Variants in CAMK1D observed in about 807,000 individuals in gnomAD.
The protein encoded by CAMK1D is calcium/calmodulin dependent protein kinase ID, also known as calcium/calmodulin-dependent protein kinase type 1D.
CAMK1D carries 9 observed loss-of-function variants against 47.7 expected under a neutral mutation model. That is an observed-to-expected ratio of 0.19 (90% CI 0.11 to 0.33). CAMK1D has a LOEUF of 0.33. Among genes scored for constraint, CAMK1D ranks in the 10% least tolerant of loss-of-function variants. CAMK1D has a pLI of 1.00. For missense variants in CAMK1D, 291 were observed against 488.7 expected, an observed-to-expected ratio of 0.60 and a Z score of 3.81; for synonymous variants, 184 against 184.9, an observed-to-expected ratio of 0.99 and a Z score of 0.04.
chr10:12,800,459 C>A (rs1000793435), intron 6 of CAMK1D, among the ~76,000 whole-genome samples: 1 of 152,116 alleles, frequency 6.6e-6, no homozygotes, highest in South Asian at 2.1e-4. Context: ...AAATACTGAC[C>A]GAGTGCCAAG....
intron 1 of CAMK1D, among the ~76,000 whole-genome samples, chr10:12,478,255 G>A (rs2132091609): frequency 6.6e-6 from 1 of 151,886 alleles, no homozygotes; most frequent in East Asian, 1.9e-4. Context: ...TGATCCACCT[G>A]CCTCGGCCTC....
chr10:12,688,686 ATTTT>A (rs985082195), intron 3 of CAMK1D, among the ~76,000 whole-genome samples: 3 of 151,866 alleles, frequency 2.0e-5, no homozygotes, highest in African/African-American at 4.8e-5. Context: ...TTTATTTTTT[ATTTT>A]TTATTTTTTT....
intron 6 of CAMK1D, among the ~76,000 whole-genome samples, chr10:12,802,310 G>T (rs1448228152): frequency 6.6e-6 from 1 of 152,144 alleles, no homozygotes; most frequent in Non-Finnish European, 1.5e-5. Flanking sequence ...TCTTCTTGCA[G>T]CTTTGCATGG....
chr10:12,427,377 C>T (rs1030982586), intron 1 of CAMK1D, among the ~76,000 whole-genome samples: 1 of 152,140 alleles, frequency 6.6e-6, no homozygotes, highest in Non-Finnish European at 1.5e-5. Flanking sequence ...CAGCAGAGTC[C>T]CAAAGCATGG....
chr10:12,686,130 G>T (rs1372357186), intron 3 of CAMK1D, among the ~76,000 whole-genome samples: 2 of 152,098 alleles, frequency 1.3e-5, no homozygotes, highest in African/African-American at 4.8e-5. Flanking sequence ...GCTCTTTGCT[G>T]CTCACTTTAG....
rs570347919 is a variant in CAMK1D at position 12,782,348 on chromosome 10, C to T, written c.566-8810C>T. Among the ~76,000 whole-genome samples the T allele has an allele frequency of 7.9e-5, 12 of 152,216 alleles. No homozygotes were observed. In the East Asian group the frequency reaches 2.3e-3, roughly 29 times the overall value. ...GCTACTGACAGGAAGCTGACCTGAC[C>T]CAGCACATTCAGTATCACCTCCTTG... On this transcript the variant is annotated intron_variant, in intron 5 of 10. Coordinates refer to ENST00000619168, the MANE Select transcript of CAMK1D (RefSeq NM_153498.4).
At chr10:12,555,308 G>A (rs114741590) in intron 2 of CAMK1D, among the ~76,000 whole-genome samples, 247 of 152,340 alleles carry the variant, frequency 1.6e-3, no homozygotes, top group African/African-American at 5.6e-3. Context: ...AGGACAGTCT[G>A]TCCTCTTCTG....
intron 1 of CAMK1D, among the ~76,000 whole-genome samples, chr10:12,509,036 G>A (rs1469087807): frequency 2.0e-5 from 3 of 152,194 alleles, no homozygotes; most frequent in African/African-American, 7.2e-5. Flanking sequence ...ACCTTGGAGA[G>A]GGGATGTGGG....
chr10:12,574,909 C>T (rs146360218), intron 2 of CAMK1D, among the ~76,000 whole-genome samples: 46 of 152,056 alleles, frequency 3.0e-4, no homozygotes, highest in Non-Finnish European at 5.3e-4. Context: ...CCAGATCTCA[C>T]GAGAACTCAC....
intron 2 of CAMK1D, among the ~76,000 whole-genome samples, chr10:12,625,046 G>C (rs1839166208): frequency 6.6e-6 from 1 of 150,608 alleles, no homozygotes; most frequent in African/African-American, 2.4e-5. Context: ...TTTCGAAACA[G>C]AGTTACCTGG....
Position 12,769,675 on chromosome 10 carries a change from C to T in CAMK1D, c.441C>T (p.Pro147=), listed in dbSNP as rs148338278. Residue 147 remains proline (P), a splice_region_variant and synonymous_variant, in exon 5 of 11, where the codon CCC becomes CCT. Transcript: ENST00000619168. ...RMGIVHRDLK[P]ENLLYYSQDE... Reference sequence around the variant, plus strand: ...TTTTTTTCTTATTTTCTTTCTAGCCCGAAAATCTCTTGTACTACAGTCAAG... The same window carrying T: ...TTTTTTTCTTATTTTCTTTCTAGCCTGAAAATCTCTTGTACTACAGTCAAG... 88 of 1,613,566 alleles carry T rather than the reference C, an allele frequency of 5.5e-5. No homozygotes were observed. Among genetic ancestry groups the T allele is most frequent in the Middle Eastern group, 1.6e-4 (1 of 6,078 alleles).
intron 2 of CAMK1D, among the ~76,000 whole-genome samples, chr10:12,624,774 T>G (rs1839155076): frequency 6.6e-6 from 1 of 152,220 alleles, no homozygotes; most frequent in Non-Finnish European, 1.5e-5. Flanking sequence ...ATAGTGATGT[T>G]TGCTTCCCAT....
chr10:12,587,849 C>T (rs1235349951), intron 2 of CAMK1D, among the ~76,000 whole-genome samples: 1 of 151,972 alleles, frequency 6.6e-6, no homozygotes, highest in African/African-American at 2.4e-5. Flanking sequence ...GACCTGTCAT[C>T]AATAAACCCA....
At chr10:12,523,456 T>C (rs1016181293) in intron 1 of CAMK1D, among the ~76,000 whole-genome samples, 46 of 152,140 alleles carry the variant, frequency 3.0e-4, no homozygotes, top group Non-Finnish European at 6.2e-4. Flanking sequence ...CTGGGCACCA[T>C]TGAGCACTGA....
At chr10:12,375,148 G>C (rs1405445287) in intron 1 of CAMK1D, among the ~76,000 whole-genome samples, 1 of 152,064 alleles carries the variant, frequency 6.6e-6, no homozygotes, top group Non-Finnish European at 1.5e-5. Flanking sequence ...AAATCTTCAT[G>C]AGAGCAGGGG....
At position 12,654,079 on chromosome 10, in the gene CAMK1D, C is replaced by T. The variant is rs1386141426; in HGVS notation, c.225-12657C>T. On this transcript the variant is annotated intron_variant, in intron 2 of 10. Transcript: ENST00000619168. Reference sequence around the variant, plus strand: ...CATTATTTTGTTTCCCTTCCACTTACTTATCCTCATATAAATGCAAGTGTT... The same window carrying T: ...CATTATTTTGTTTCCCTTCCACTTATTTATCCTCATATAAATGCAAGTGTT... 2.0e-5 allele frequency among the ~76,000 whole-genome samples: 3 copies of T among 152,202 alleles called. No homozygotes were observed. The East Asian group carries it at 5.8e-4, about 29-fold the overall frequency.
intron 1 of CAMK1D, among the ~76,000 whole-genome samples, chr10:12,427,178 G>A (rs1473317081): frequency 6.6e-6 from 1 of 152,180 alleles, no homozygotes; most frequent in Non-Finnish European, 1.5e-5. Context: ...ATGGAGCCCC[G>A]GCAGGAAAGG....
chr10:12,751,280 G>A (rs1835971125), intron 3 of CAMK1D, among the ~76,000 whole-genome samples: 1 of 152,118 alleles, frequency 6.6e-6, no homozygotes, highest in African/African-American at 2.4e-5. Flanking sequence ...TCTAGAGATA[G>A]AGTCTTGCTC....
chr10:12,552,868 A>C (rs1450355154), intron 1 of CAMK1D, among the ~76,000 whole-genome samples: 1 of 152,114 alleles, frequency 6.6e-6, no homozygotes, highest in Non-Finnish European at 1.5e-5. Flanking sequence ...CAGCCTCCCA[A>C]GTAGCTGGAA....
Sources: gnomAD v4.1 joint callset for allele counts (sites outside exome capture counted in the v4.1 genomes callset) on GRCh38, gnomAD v4.1.1 for gene constraint, MANE v1.5 for transcripts, NCBI Gene and HGNC (gene_info 2026-07-23, HGNC 2026-07-21) for gene names.